Variants in JARID2 observed in about 807,000 individuals in gnomAD.
The protein encoded by JARID2 is protein Jumonji.
JARID2 carries 21 observed loss-of-function variants against 125.6 expected under a neutral mutation model. That is an observed-to-expected ratio of 0.17 (90% CI 0.12 to 0.24). JARID2 has a LOEUF of 0.24. Among genes scored for constraint, JARID2 ranks in the 10% least tolerant of loss-of-function variants. JARID2 has a pLI of 1.00. For synonymous variants in JARID2, 736 were observed against 661.6 expected (o/e 1.11, Z -1.73); for missense variants, 1,303 against 1,639.6 (o/e 0.79, Z 3.55).
intron 2 of JARID2, among the ~76,000 whole-genome samples, chr6:15,401,683 G>A (rs1283155494): frequency 9.2e-5 from 14 of 152,054 alleles, no homozygotes; most frequent in Non-Finnish European, 1.9e-4. Flanking sequence ...TTCTTCTCCC[G>A]AATTTCGTGC....
intron 1 of JARID2, among the ~76,000 whole-genome samples, chr6:15,356,012 A>G (rs1389313497): frequency 6.6e-6 from 1 of 152,128 alleles, no homozygotes; most frequent in East Asian, 1.9e-4. Context: ...GGCAGCCAGC[A>G]ATGTATTTTC....
In JARID2 at chr6:15,520,171, C is replaced by T. The variant is rs373598286; in HGVS notation, c.3661C>T (p.Arg1221Cys). 3.3e-5 allele frequency: 53 copies of T among 1,613,918 alleles called. No individual in the cohort carries two copies. Among genetic ancestry groups the T allele is most frequent in the Non-Finnish European group, 3.9e-5 (46 of 1,179,992 alleles). The change falls in exon 18 of 18, where the codon CGC becomes TGC. Residue 1221 changes from arginine to cysteine, a missense_variant. Arg to Cys is a radical substitution (Grantham distance 180, BLOSUM62 -3). Around this residue, in one of 11 missense-constraint regions of JARID2, gnomAD observed 75 missense variants for 66.0 expected, o/e 1.14. Transcript: ENST00000341776. ...TAAACCCACACCAAAAAGAGGTCCC[C>T]GCAAGAGAGCGACAGTGGACGTGCC... ...LSKPTPKRGP[R>C]KRATVDVPPS...
intron 7 of JARID2, among the ~76,000 whole-genome samples, chr6:15,497,788 C>T (rs1250234616): frequency 2.6e-5 from 4 of 152,112 alleles, no homozygotes; most frequent in Middle Eastern, 3.2e-3. Context: ...CAGTGGGGAG[C>T]GCTGCCCCTC....
chr6:15,330,444 A>G (rs1479136903), intron 1 of JARID2, among the ~76,000 whole-genome samples: 2 of 152,148 alleles, frequency 1.3e-5, no homozygotes, highest in Non-Finnish European at 2.9e-5. Context: ...TTACCGGAGG[A>G]AGTATGGTGT....
intron 1 of JARID2, among the ~76,000 whole-genome samples, chr6:15,283,502 C>T (rs917867787): frequency 1.8e-4 from 26 of 143,810 alleles, no homozygotes; most frequent in African/African-American, 5.7e-4. Context: ...CAGCTACGCC[C>T]GGCTAATTTT....
At chr6:15,427,241 G>T (rs945898058) in intron 3 of JARID2, among the ~76,000 whole-genome samples, 1 of 152,146 alleles carries the variant, frequency 6.6e-6, no homozygotes, top group East Asian at 1.9e-4. Flanking sequence ...GGAAGGAATC[G>T]CAAAGCCTGG....
chr6:15,315,996 A>G (rs1322039781), intron 1 of JARID2, among the ~76,000 whole-genome samples: 1 of 152,048 alleles, frequency 6.6e-6, no homozygotes, highest in Non-Finnish European at 1.5e-5. Flanking sequence ...AACACAGTTT[A>G]CACGAGTCCT....
chr6:15,331,266 C>T (rs1197997758), intron 1 of JARID2, among the ~76,000 whole-genome samples: 1 of 151,590 alleles, frequency 6.6e-6, no homozygotes, highest in Non-Finnish European at 1.5e-5. Flanking sequence ...CCTAGGAGGT[C>T]AAGGCTATAA....
rs5874508 is a variant in JARID2, at chr6:15,336,085, GTGAATGAATGAATGAA to G, written c.46-38014_46-37999del. ...GGGTGACAGAGACCCGTCTCCAAGG[GTGAATGAATGAATGAA>G]TGAATGAATGAATGAATAAATAAAT... On this transcript the variant is annotated intron_variant, in intron 1 of 17. Transcript: ENST00000341776. Among the ~76,000 whole-genome samples, 1,485 of 149,510 alleles carry G rather than the reference GTGAATGAATGAATGAA, an allele frequency of 9.9e-3. 9 individuals are homozygous for G. The highest frequency in any genetic ancestry group is 0.014 in the Non-Finnish European group (966 of 67,502).
chr6:15,433,408 CTCTGTGTGTGTG>C (rs759563440), intron 3 of JARID2, among the ~76,000 whole-genome samples: 154 of 93,580 alleles, frequency 1.6e-3, no homozygotes, highest in South Asian at 3.3e-3. Context: ...CCCCATGTCT[CTCTGTGTGTGTG>C]TGTGTGTGTG....
chr6:15,374,641 C>G (rs1268428339), intron 2 of JARID2, among the ~76,000 whole-genome samples: 2 of 152,174 alleles, frequency 1.3e-5, no homozygotes, highest in African/African-American at 2.4e-5. Context: ...TTTTCCTGCT[C>G]TCTGGCTCAG....
At chr6:15,312,529 C>T (rs1038148527) in intron 1 of JARID2, among the ~76,000 whole-genome samples, 5 of 152,216 alleles carry the variant, frequency 3.3e-5, no homozygotes, top group Non-Finnish European at 5.9e-5. Flanking sequence ...CCTGTGCCCC[C>T]ATGCCAGCGC....
chr6:15,247,349 GT>G (rs1419158526), intron 1 of JARID2: 24 of 823,140 alleles, frequency 2.9e-5, no homozygotes, highest in Non-Finnish European at 3.5e-5. Context: ...GCTTGGAATA[GT>G]TAAATTTGTT....
chr6:15,473,560 C>A (rs1769194951), intron 5 of JARID2, among the ~76,000 whole-genome samples: 1 of 145,320 alleles, frequency 6.9e-6, no homozygotes, highest in African/African-American at 2.5e-5. Flanking sequence ...ACCTCACACC[C>A]ATATACCAAG....
intron 1 of JARID2, among the ~76,000 whole-genome samples, chr6:15,263,531 A>G (rs1299906261): frequency 6.6e-6 from 1 of 150,672 alleles, no homozygotes; most frequent in African/African-American, 2.4e-5. Context: ...AATTTACTAG[A>G]TTTATTTTCC....
chr6:15,247,769 A>G (rs1396980609), intron 1 of JARID2: 5 of 985,304 alleles, frequency 5.1e-6, no homozygotes, highest in Non-Finnish European at 6.0e-6. Flanking sequence ...GTCAACTTCA[A>G]CTATGAAAGA....
At chr6:15,379,980 T>G (rs959822669) in intron 2 of JARID2, among the ~76,000 whole-genome samples, 1 of 151,994 alleles carries the variant, frequency 6.6e-6, no homozygotes, top group East Asian at 1.9e-4. Flanking sequence ...CTTTACTTTT[T>G]TTAAGTAGGT....
At chr6:15,267,301 A>G (rs1760122886) in intron 1 of JARID2, among the ~76,000 whole-genome samples, 1 of 152,206 alleles carries the variant, frequency 6.6e-6, no homozygotes, top group Non-Finnish European at 1.5e-5. Flanking sequence ...GACATAAGAC[A>G]GAGTGAGGCC....
At chr6:15,329,805 T>C (rs1050221098) in intron 1 of JARID2, among the ~76,000 whole-genome samples, 2 of 152,226 alleles carry the variant, frequency 1.3e-5, no homozygotes, top group Admixed American at 6.5e-5. Flanking sequence ...CTCTGTTAGG[T>C]TGCAAATATT....
Sources: gnomAD v4.1 joint callset for allele counts (sites outside exome capture counted in the v4.1 genomes callset) on GRCh38, gnomAD v4.1.1 for gene constraint, gnomAD v4.1.1 regional missense constraint, MANE v1.5 for transcripts, NCBI Gene and HGNC (gene_info 2026-07-23, HGNC 2026-07-21) for gene names.